ACSS3: variants seen among roughly 807,000 people sequenced by gnomAD.
ACSS3 encodes acyl-CoA synthetase short-chain family member 3, mitochondrial.
Under a neutral mutation model 84.2 loss-of-function variants are expected in ACSS3, and 64 were observed. That is an observed-to-expected ratio of 0.76 (90% CI 0.62 to 0.94). ACSS3 has a LOEUF of 0.94. ACSS3 is among the 40% of genes least tolerant of loss of function. The probability of loss-of-function intolerance (pLI) is 0.00; values close to 1 mark genes in which losing one functional copy is unlikely to be tolerated. For missense variants in ACSS3, 815 were observed against 867.6 expected (o/e 0.94, Z 0.76); for synonymous variants, 317 against 310.1 (o/e 1.02, Z -0.23).
At chr12:81,199,495 G>A in intron 9 of ACSS3, 51 bp downstream of exon 9, 2 of 1,565,518 alleles carry the variant, frequency 1.3e-6, no homozygotes, top group Non-Finnish European at 1.7e-6. Context: ...GTTCCAAAAA[G>A]CTGCAAGGAT....
chr12:81,137,103 A>G (rs1292026824), intron 3 of ACSS3, among the ~76,000 whole-genome samples: 1 of 151,114 alleles, frequency 6.6e-6, no homozygotes, highest in Non-Finnish European at 1.5e-5. Flanking sequence ...AAGAAAGCTG[A>G]TTTGTGGACA....
chr12:81,228,994 G>A (rs972329252), intron 11 of ACSS3, among the ~76,000 whole-genome samples: 1 of 151,758 alleles, frequency 6.6e-6, no homozygotes, highest in Non-Finnish European at 1.5e-5. Context: ...CAGCAATCAG[G>A]TGGAACTAAG....
At chr12:81,185,520 T>C (rs1454569600) in intron 8 of ACSS3, among the ~76,000 whole-genome samples, 1 of 151,716 alleles carries the variant, frequency 6.6e-6, no homozygotes, top group African/African-American at 2.4e-5. Flanking sequence ...CATACAAAAA[T>C]CAGTGGCATT....
rs773246268 is a variant in ACSS3 at position 81,233,359 on chromosome 12, A to G, written c.1607A>G (p.Asp536Gly). The change falls in exon 13 of 16, where the codon GAT (aspartate) becomes GGT (glycine). Residue 536 changes from aspartate (D) to glycine (G), a missense_variant. Coordinates refer to ENST00000548058, the MANE Select transcript of ACSS3 (RefSeq NM_024560.4). ...TTTTCTTGTTTTCAGGGATATTATG[A>G]TACCATGGATGCTGGTTACATGGAT... ...LYFEKFPGYY[D>G]TMDAGYMDEE... 2.5e-6 allele frequency: 4 copies of G among 1,610,366 alleles called. No individual in the cohort carries two copies. The Admixed American group carries it at 5.0e-5, about 20-fold the overall frequency.
At chr12:81,185,378 A>T (rs996916643) in intron 8 of ACSS3, among the ~76,000 whole-genome samples, 3 of 151,706 alleles carry the variant, frequency 2.0e-5, no homozygotes, top group African/African-American at 7.2e-5. Flanking sequence ...AATTAAATGT[A>T]TCTAATTGAA....
At chr12:81,191,712 T>C (rs2031577625) in intron 8 of ACSS3, among the ~76,000 whole-genome samples, 1 of 152,162 alleles carries the variant, frequency 6.6e-6, no homozygotes, top group South Asian at 2.1e-4. Flanking sequence ...TCTTAAACTT[T>C]GATACTTTAA....
chr12:81,196,320 C>T (rs1288196142), intron 8 of ACSS3, among the ~76,000 whole-genome samples: 2 of 152,076 alleles, frequency 1.3e-5, no homozygotes, highest in Non-Finnish European at 2.9e-5. Flanking sequence ...GGCTATTGAG[C>T]TCTTGAAATG....
intron 2 of ACSS3, among the ~76,000 whole-genome samples, chr12:81,115,524 C>T (rs985680228): frequency 2.0e-5 from 3 of 152,032 alleles, no homozygotes; most frequent in Admixed American, 6.6e-5. Flanking sequence ...TGGTCTCAAA[C>T]TCCTGGGCTC....
chr12:81,155,956 C>A (rs894702816), intron 7 of ACSS3, among the ~76,000 whole-genome samples: 1 of 152,130 alleles, frequency 6.6e-6, no homozygotes, highest in African/African-American at 2.4e-5. Flanking sequence ...AATACACATT[C>A]TTTTTAAATG....
At chr12:81,156,231 G>A (rs1053183180) in intron 7 of ACSS3, among the ~76,000 whole-genome samples, 3 of 125,942 alleles carry the variant, frequency 2.4e-5, no homozygotes, top group East Asian at 4.0e-4. Context: ...ACACACACAC[G>A]TCTCTGGGTG....
At chr12:81,248,647 CA>C (rs1309802327) in intron 13 of ACSS3, among the ~76,000 whole-genome samples, 1 of 151,814 alleles carries the variant, frequency 6.6e-6, no homozygotes, top group Admixed American at 6.6e-5. Flanking sequence ...TATTCAGTAG[CA>C]AAGTAGAGTG....
chr12:81,228,574 A>G (rs2033346311), intron 11 of ACSS3, among the ~76,000 whole-genome samples: 1 of 151,832 alleles, frequency 6.6e-6, no homozygotes. Context: ...CTCAGGAAGC[A>G]GGAGGAAATG....
chr12:81,182,895 G>T (rs894581362), intron 8 of ACSS3, among the ~76,000 whole-genome samples: 1 of 152,012 alleles, frequency 6.6e-6, no homozygotes, highest in East Asian at 1.9e-4. Flanking sequence ...CTTGTCAAAT[G>T]CACATCATGC....
rs1398478654 is a variant in ACSS3 at position 81,261,031 on chromosome 12, T to G, written c.*6109T>G. ...TTCATTAATTGGTATTTCCTTAAAA[T>G]CAAATGCTTGGTATTTATGGTTACA... On this transcript the variant is annotated 3_prime_UTR_variant, in exon 16 of 16. Transcript: ENST00000548058. 2.0e-5 allele frequency: 3 copies of G among 152,174 alleles called. No individual in the cohort carries two copies. Among genetic ancestry groups the G allele is most frequent in the African/African-American group, 7.2e-5 (3 of 41,430 alleles). 9.4% of individuals were successfully genotyped at this position (152,174 alleles called of 1,614,324 possible).
At chr12:81,223,156 G>T (rs2135954223) in intron 11 of ACSS3, among the ~76,000 whole-genome samples, 1 of 152,140 alleles carries the variant, frequency 6.6e-6, no homozygotes, top group East Asian at 1.9e-4. Flanking sequence ...TAAAGCCATA[G>T]GTCTCTGGCT....
At chr12:81,231,171 A>T (rs751211343) in intron 12 of ACSS3, 33 bp downstream of exon 12, 1 of 1,505,234 alleles carries the variant, frequency 6.6e-7, no homozygotes, top group African/African-American at 1.4e-5. Flanking sequence ...TTATCTTCTT[A>T]TGTACTTTTC....
At chr12:81,214,418 A>G (rs183669964) in intron 9 of ACSS3, among the ~76,000 whole-genome samples, 1 of 152,356 alleles carries the variant, frequency 6.6e-6, no homozygotes, top group East Asian at 1.9e-4. Flanking sequence ...ATAAACATAT[A>G]TTATCTACTT....
At chr12:81,215,179 C>T (rs1387607812) in intron 9 of ACSS3, among the ~76,000 whole-genome samples, 6 of 152,148 alleles carry the variant, frequency 3.9e-5, no homozygotes, top group Non-Finnish European at 4.4e-5. Context: ...TGGGGAAAAT[C>T]GGCAGGAGTA....
intron 9 of ACSS3, among the ~76,000 whole-genome samples, chr12:81,214,014 C>T (rs2032804817): frequency 1.3e-5 from 1 of 75,120 alleles, no homozygotes; most frequent in Admixed American, 1.7e-4. Context: ...TTTCATCTGT[C>T]TGTCTGTCTT....
Sources: gnomAD v4.1 joint callset for allele counts (sites outside exome capture counted in the v4.1 genomes callset) on GRCh38, gnomAD v4.1.1 for gene constraint, MANE v1.5 for transcripts, NCBI Gene and HGNC (gene_info 2026-07-23, HGNC 2026-07-21) for gene names.